The following ADGRL2 variants were observed in gnomAD, a reference collection of about 807,000 sequenced individuals.
The protein encoded by ADGRL2 is calcium-independent alpha-latrotoxin receptor 2.
In ADGRL2, 44 loss-of-function variants were observed where a neutral mutation model predicts 157.4. The observed-to-expected ratio is 0.28, with a 90% CI of 0.22 to 0.36. The LOEUF is 0.36. ADGRL2 is among the 10% of genes least tolerant of loss of function. ADGRL2 has a pLI of 1.00. For missense variants in ADGRL2, 1,510 were observed against 1,768.9 expected (o/e 0.85, Z 2.63); for synonymous variants, 585 against 624.7 (o/e 0.94, Z 0.95).
chr1:81,840,820 T>G (rs1041553426), intron 2 of ADGRL2, among the ~76,000 whole-genome samples: 4 of 152,162 alleles, frequency 2.6e-5, no homozygotes, highest in African/African-American at 7.2e-5. Context: ...TGTAAATATT[T>G]CTTATAATTG....
intron 3 of ADGRL2, among the ~76,000 whole-genome samples, chr1:81,604,086 C>A (rs1269891054): frequency 2.6e-5 from 4 of 151,904 alleles, no homozygotes; most frequent in Admixed American, 2.6e-4. Flanking sequence ...GCCTCAGACT[C>A]CTGAATAGCT....
intron 2 of ADGRL2, among the ~76,000 whole-genome samples, chr1:81,884,251 A>G (rs185959101): frequency 6.6e-6 from 1 of 152,328 alleles, no homozygotes; most frequent in African/African-American, 2.4e-5. Context: ...CTGGAATTAC[A>G]GGCACGAGCC....
chr1:81,500,347 A>G (rs1431756379), intron 2 of ADGRL2, among the ~76,000 whole-genome samples: 2 of 152,234 alleles, frequency 1.3e-5, no homozygotes, highest in Non-Finnish European at 1.5e-5. Flanking sequence ...AGATGTTTGT[A>G]CCACAGTGTT....
intron 2 of ADGRL2, among the ~76,000 whole-genome samples, chr1:81,881,412 G>A (rs2093984089): frequency 6.6e-6 from 1 of 152,116 alleles, no homozygotes; most frequent in African/African-American, 2.4e-5. Context: ...TCCTGACCTC[G>A]TGATCCACCA....
intron 11 of ADGRL2, among the ~76,000 whole-genome samples, chr1:81,958,904 T>G (rs1047107478): frequency 5.9e-5 from 9 of 152,228 alleles, no homozygotes; most frequent in African/African-American, 2.2e-4. Context: ...GTACTCCTTT[T>G]GATCTTGCTG....
chr1:81,502,066 C>G, intron 2 of ADGRL2: 1 of 1,600,714 alleles, frequency 6.2e-7, no homozygotes, highest in South Asian at 1.1e-5. Flanking sequence ...AGGAAGAGGA[C>G]GGAGGTTTGG....
rs547653431 is a variant in ADGRL2 at position 81,808,751 on chromosome 1, C to G, written c.-101+7683C>G. 7.2e-5 allele frequency among the ~76,000 whole-genome samples: 11 copies of G among 152,088 alleles called. No individual in the cohort carries two copies. In the East Asian group the frequency reaches 1.7e-3, roughly 24 times the overall value. On this transcript the variant is annotated intron_variant, in intron 1 of 23. Coordinates refer to ENST00000686636, the MANE Select transcript of ADGRL2 (RefSeq NM_001366006.2). ...TAGAATTACATTGAATTCTAAATCC[C>G]AAATTCCTGTGGCAATAAAGTAGCA...
intron 2 of ADGRL2, among the ~76,000 whole-genome samples, chr1:81,560,996 T>G (rs182693031): frequency 6.6e-6 from 1 of 152,108 alleles, no homozygotes; most frequent in Admixed American, 6.6e-5. Flanking sequence ...GCCTCAAATA[T>G]TTTTCCTCCA....
intron 2 of ADGRL2, among the ~76,000 whole-genome samples, chr1:81,551,097 T>C (rs941728282): frequency 6.6e-6 from 1 of 152,298 alleles, no homozygotes; most frequent in African/African-American, 2.4e-5. Context: ...ATTCTGATCC[T>C]GCAAGTTGAT....
intron 1 of ADGRL2, among the ~76,000 whole-genome samples, chr1:81,402,310 A>G (rs1392659247): frequency 6.6e-6 from 1 of 152,142 alleles, no homozygotes; most frequent in African/African-American, 2.4e-5. Flanking sequence ...GCTCCCTAGT[A>G]TGTTATTTCA....
At chr1:81,482,330 T>G (rs568409305) in intron 2 of ADGRL2, among the ~76,000 whole-genome samples, 6 of 152,350 alleles carry the variant, frequency 3.9e-5, no homozygotes, top group African/African-American at 1.4e-4. Context: ...TTTCAGTGAT[T>G]CATTGTGTCC....
intron 2 of ADGRL2, among the ~76,000 whole-genome samples, chr1:81,888,296 T>G (rs1231475020): frequency 6.6e-6 from 1 of 152,184 alleles, no homozygotes; most frequent in African/African-American, 2.4e-5. Flanking sequence ...CACTTTAGTA[T>G]TTTGGAAATA....
intron 2 of ADGRL2, among the ~76,000 whole-genome samples, chr1:81,862,125 G>C (rs1205242745): frequency 1.3e-5 from 2 of 151,976 alleles, no homozygotes; most frequent in Non-Finnish European, 2.9e-5. Flanking sequence ...TAAGGTAATA[G>C]AAAATTAATA....
Position 81,975,650 on chromosome 1 carries a change from G to A in ADGRL2, c.3021+3732G>A, listed in dbSNP as rs572201479. Among the ~76,000 whole-genome samples the A allele has an allele frequency of 9.3e-4, 142 of 152,008 alleles. 2 individuals carry two copies. In the South Asian group the frequency reaches 0.013, roughly 14 times the overall value. The stretch of plus-strand genomic sequence containing the variant: ...ATCACTTATTATAATTGGTGGGGGC[G>A]GGGGAGAAGGGGAAAGCACAGAAGT... On this transcript the variant is annotated intron_variant, in intron 17 of 23. Transcript: ENST00000686636.
At chr1:81,503,100 G>A (rs4539173) in intron 2 of ADGRL2, 15 of 1,611,112 alleles carry the variant, frequency 9.3e-6, no homozygotes, top group African/African-American at 2.7e-5. Context: ...AGAAGAAGGC[G>A]TCGAGGCTGT....
chr1:81,948,755 A>G (rs990115439), intron 6 of ADGRL2, among the ~76,000 whole-genome samples: 9 of 152,346 alleles, frequency 5.9e-5, no homozygotes, highest in Middle Eastern at 3.4e-3. Context: ...ACTGATGTAC[A>G]TAGGCATCTC....
intron 2 of ADGRL2, among the ~76,000 whole-genome samples, chr1:81,579,852 T>A (rs1344821706): frequency 6.6e-6 from 1 of 152,184 alleles, no homozygotes; most frequent in Non-Finnish European, 1.5e-5. Context: ...CTTTTTTTTT[T>A]ACATTTGTGT....
chr1:81,979,761 A>T, intron 17 of ADGRL2, 108 bp from the exon 18 acceptor site: 1 of 638,758 alleles, frequency 1.6e-6, no homozygotes, highest in Middle Eastern at 2.8e-4. Context: ...TACATAAAAA[A>T]AATTATATCA....
rs576998871 is a variant in ADGRL2, at chr1:81,965,806, A to T, written c.2018-252A>T. Among the ~76,000 whole-genome samples, 444 of 152,354 alleles carry T rather than the reference A, an allele frequency of 2.9e-3. 2 individuals carry two copies. The highest frequency in any genetic ancestry group is 9.8e-3 in the African/African-American group (406 of 41,584). On this transcript the variant is annotated intron_variant, in intron 11 of 23. Transcript: ENST00000686636. ...GCTAACAGATTGGTATTAGTTCATGACAAAAGAGATAAAAATATGAAGAAG... is the reference window on the plus strand; with the variant it reads ...GCTAACAGATTGGTATTAGTTCATGTCAAAAGAGATAAAAATATGAAGAAG...
Sources: gnomAD v4.1 joint callset for allele counts (sites outside exome capture counted in the v4.1 genomes callset) on GRCh38, gnomAD v4.1.1 for gene constraint, MANE v1.5 for transcripts, NCBI Gene and HGNC (gene_info 2026-07-23, HGNC 2026-07-21) for gene names.